Variants in PPARA observed in about 807,000 individuals in gnomAD.
PPARA encodes peroxisome proliferator activated receptor alpha, also known as peroxisome proliferator-activated receptor alpha.
In PPARA, 22 loss-of-function variants were observed where a neutral mutation model predicts 42.2. The ratio of observed to expected loss-of-function variants is 0.52; its 90% CI spans 0.37 to 0.74. The LOEUF (loss-of-function observed/expected upper bound fraction) is 0.74. Ranked by LOEUF, PPARA falls within the 30% of genes least tolerant of loss-of-function variation. The probability of loss-of-function intolerance (pLI) is 0.00; values close to 1 mark genes in which losing one functional copy is unlikely to be tolerated. For missense variants in PPARA, 465 were observed against 608.2 expected, an observed-to-expected ratio of 0.76 and a Z score of 2.48; for synonymous variants, 242 against 239.3, an observed-to-expected ratio of 1.01 and a Z score of -0.10.
rs1210093264 is a variant in PPARA, at chr22:46,187,067, T to C, written c.-43+10231T>C. The stretch of plus-strand genomic sequence containing the variant: ...AACCATGGATAAGGGATATCTACTG[T>C]ATAAGGTGGAGTTTTCAAGGTCATA... On this transcript the variant is annotated intron_variant, in intron 3 of 8. Coordinates refer to ENST00000407236, the MANE Select transcript of PPARA (RefSeq NM_005036.6). The surrounding 1 kb of genome is among the most constrained non-coding windows in gnomAD (Gnocchi z 4.9). Among the ~76,000 whole-genome samples, 2 of 152,136 alleles carry C rather than the reference T, an allele frequency of 1.3e-5. No individual in the cohort carries two copies. The highest frequency in any genetic ancestry group is 2.4e-5 in the African/African-American group (1 of 41,430).
Position 46,225,225 on chromosome 22 carries a change from C to T in PPARA, c.711+5211C>T, listed in dbSNP as rs927487728. 1.3e-4 allele frequency among the ~76,000 whole-genome samples: 20 copies of T among 152,066 alleles called. No individual in the cohort carries two copies. Among genetic ancestry groups the T allele is most frequent in the African/African-American group, 4.8e-4 (20 of 41,394 alleles). The stretch of plus-strand genomic sequence containing the variant: ...GTTTGAGCCCCTGAGATTTCAGAAC[C>T]GTGGGCCAGAAAATGGTCAGGGCCC... On this transcript the variant is annotated intron_variant, in intron 7 of 8. Transcript: ENST00000407236. The surrounding 1 kb of genome is among the most constrained non-coding windows in gnomAD (Gnocchi z 4.1).
chr22:46,176,379 T>C (rs1240577339), intron 2 of PPARA, among the ~76,000 whole-genome samples: 1 of 150,082 alleles, frequency 6.7e-6, no homozygotes, highest in Non-Finnish European at 1.5e-5. Flanking sequence ...CCAGCTACTT[T>C]GGAGGCTGAG....
chr22:46,199,218 G>A (rs1932727653), intron 4 of PPARA, among the ~76,000 whole-genome samples: 2 of 152,216 alleles, frequency 1.3e-5, no homozygotes, highest in East Asian at 3.9e-4. Context: ...CGTGTGCAAG[G>A]GTCTGCATAG....
At position 46,231,460 on chromosome 22, in the gene PPARA, A is replaced by C. The variant is rs1378942699; in HGVS notation, c.712-332A>C. 6.6e-6 allele frequency among the ~76,000 whole-genome samples: 1 copy of C among 152,092 alleles called. No individual in the cohort carries two copies. Among genetic ancestry groups the C allele is most frequent in the East Asian group, 1.9e-4 (1 of 5,198 alleles). On this transcript the variant is annotated intron_variant, in intron 7 of 8. Coordinates refer to ENST00000407236, the MANE Select transcript of PPARA (RefSeq NM_005036.6). The surrounding 1 kb of genome is among the most constrained non-coding windows in gnomAD (Gnocchi z 7.7). Reference sequence around the variant, plus strand: ...GGTCTCGAACTCTTGACCTCAGGTAAACCACCCACCTCAGCCTCCCAAAGT... The same window carrying C: ...GGTCTCGAACTCTTGACCTCAGGTACACCACCCACCTCAGCCTCCCAAAGT...
intron 3 of PPARA, among the ~76,000 whole-genome samples, chr22:46,189,766 C>T (rs1351477656): frequency 7.3e-5 from 11 of 150,582 alleles, no homozygotes; most frequent in African/African-American, 2.0e-4. Context: ...AGTGCAGTGG[C>T]GCAGTCTCAG....
chr22:46,168,169 G>A (rs182986097), intron 2 of PPARA, among the ~76,000 whole-genome samples: 180 of 151,518 alleles, frequency 1.2e-3, no homozygotes, highest in African/African-American at 4.1e-3. Flanking sequence ...TGGCTAACAC[G>A]GTGAAACCCC....
chr22:46,235,775 T>G lies in PPARA; in HGVS notation c.*395T>G. 3.4e-6 allele frequency: 1 copy of G among 293,756 alleles called. No individual in the cohort carries two copies. The highest frequency in any genetic ancestry group is 3.6e-5 in the South Asian group (1 of 28,102). 18.2% of individuals were successfully genotyped at this position (293,756 alleles called of 1,614,324 possible). A position where few individuals can be genotyped will look rare whatever the true frequency, so the allele number is the denominator to read the frequency against. Reference sequence around the variant, plus strand: ...CCCGCTTTTGACTATTGTGCTCCTTTATAATTCTGAAAACTAATCAGCACT... The same window carrying G: ...CCCGCTTTTGACTATTGTGCTCCTTGATAATTCTGAAAACTAATCAGCACT... On this transcript the variant is annotated 3_prime_UTR_variant, in exon 9 of 9. Transcript: ENST00000407236. The surrounding 1 kb of genome is among the most constrained non-coding windows in gnomAD (Gnocchi z 7.0).
At chr22:46,202,748 G>A (rs1056518732) in intron 4 of PPARA, among the ~76,000 whole-genome samples, 5 of 149,448 alleles carry the variant, frequency 3.3e-5, no homozygotes, top group Non-Finnish European at 5.9e-5. Flanking sequence ...CTGTAATCCC[G>A]GCTACTCAGG....
Position 46,191,998 on chromosome 22 carries a change from G to A in PPARA, c.-42-6344G>A, listed in dbSNP as rs1371938770. Among the ~76,000 whole-genome samples the A allele has an allele frequency of 1.3e-5, 2 of 152,236 alleles. No individual in the cohort carries two copies. The highest frequency in any genetic ancestry group is 2.9e-5 in the Non-Finnish European group (2 of 68,044). On this transcript the variant is annotated intron_variant, in intron 3 of 8. Transcript: ENST00000407236. The surrounding 1 kb of genome is among the most constrained non-coding windows in gnomAD (Gnocchi z 4.6). ...GAGAATCACTTGAACCCGTGAAACG[G>A]AAGTTGCGGTGAGCCGAGATCACGC...
At chr22:46,207,763 A>T (rs1211905267) in intron 4 of PPARA, among the ~76,000 whole-genome samples, 2 of 140,260 alleles carry the variant, frequency 1.4e-5, no homozygotes, top group Non-Finnish European at 3.0e-5. Context: ...AGCTCACTGC[A>T]GTCTCAAACA....
chr22:46,209,246 A>G (rs2147489917), intron 4 of PPARA, among the ~76,000 whole-genome samples: 1 of 152,296 alleles, frequency 6.6e-6, no homozygotes, highest in East Asian at 1.9e-4. Context: ...CTTTTTATAT[A>G]TCTGGCTGCT....
chr22:46,228,517 C>A (rs1012473076), intron 7 of PPARA, among the ~76,000 whole-genome samples: 3 of 152,106 alleles, frequency 2.0e-5, no homozygotes, highest in Admixed American at 6.5e-5. Flanking sequence ...GCCTGGGCAA[C>A]AGAGCGAGAC....
chr22:46,201,100 G>A (rs1932812302), intron 4 of PPARA, among the ~76,000 whole-genome samples: 1 of 150,820 alleles, frequency 6.6e-6, no homozygotes, highest in African/African-American at 2.4e-5. Flanking sequence ...TGTAATGCCT[G>A]GGCAACAGAG....
In PPARA at chr22:46,192,350, G is replaced by A. The variant is rs1343101240; in HGVS notation, c.-42-5992G>A. The stretch of plus-strand genomic sequence containing the variant: ...TTAGCCTAATCTTCCAAACAGTCAC[G>A]CATCTAAGAGCAGGTGATGCAGAAA... On this transcript the variant is annotated intron_variant, in intron 3 of 8. Transcript: ENST00000407236. This position sits in a 1 kb window ranked among gnomAD's most constrained non-coding sequence, Gnocchi z 4.3. Among the ~76,000 whole-genome samples the A allele has an allele frequency of 6.6e-6, 1 of 152,188 alleles. No individual in the cohort carries two copies. Among genetic ancestry groups the A allele is most frequent in the African/African-American group, 2.4e-5 (1 of 41,432 alleles).
intron 2 of PPARA, among the ~76,000 whole-genome samples, chr22:46,172,318 T>TAAAAAAAAAAA (rs35328780): frequency 1.7e-5 from 2 of 119,580 alleles, no homozygotes; most frequent in African/African-American, 6.1e-5. Flanking sequence ...TGCAAGTAAT[T>TAAAAAAAAAAA]AAAAAAAAAA....
intron 2 of PPARA, among the ~76,000 whole-genome samples, chr22:46,157,807 A>G (rs576758276): frequency 6.6e-6 from 1 of 152,248 alleles, no homozygotes; most frequent in Admixed American, 6.5e-5. Context: ...ACTCAGATGA[A>G]ATATCGTCTG....
chr22:46,231,811 T>A lies in PPARA; in HGVS notation c.731T>A (p.Met244Lys). The change falls in exon 8 of 9, where the codon ATG becomes AAG. Residue 244 changes from methionine (M) to lysine (K), a missense_variant. By Grantham distance (95) the Met-to-Lys change is moderately conservative. Around this residue, in one of 2 missense-constraint regions of PPARA, gnomAD observed 313 missense variants for 469.1 expected, o/e 0.67. Coordinates refer to ENST00000407236, the MANE Select transcript of PPARA (RefSeq NM_005036.6). The surrounding 1 kb of genome is among the most constrained non-coding windows in gnomAD (Gnocchi z 7.7). ...SNNPPFVIHD[M>K]ETLCMAEKTL... Reference sequence around the variant, plus strand: ...TTGTAGCCTTTTGTCATACATGATATGGAGACACTGTGTATGGCTGAGAAG... The same window carrying A: ...TTGTAGCCTTTTGTCATACATGATAAGGAGACACTGTGTATGGCTGAGAAG... 1 of 1,613,608 alleles carries A rather than the reference T, an allele frequency of 6.2e-7. No individual in the cohort carries two copies. The highest frequency in any genetic ancestry group is 2.2e-5 in the East Asian group (1 of 44,878).
chr22:46,218,835 CA>C (rs749022835), intron 6 of PPARA, among the ~76,000 whole-genome samples: 5,414 of 69,116 alleles, frequency 0.078, 143 homozygotes, highest in Non-Finnish European at 0.12. Flanking sequence ...TTCCGTCTCA[CA>C]AAAAAAAAAA....
In PPARA at chr22:46,225,610, T is replaced by C. The variant is rs1935356708; in HGVS notation, c.711+5596T>C. 7.0e-6 allele frequency among the ~76,000 whole-genome samples: 1 copy of C among 143,712 alleles called. No homozygotes were observed. The highest frequency in any genetic ancestry group is 6.9e-5 in the Admixed American group (1 of 14,546). The allele number at this position is 143,712 out of a possible 152,430, so 94.3% of individuals were successfully genotyped here. A position where few individuals can be genotyped will look rare whatever the true frequency, so the allele number is the denominator to read the frequency against. On this transcript the variant is annotated intron_variant, in intron 7 of 8. Coordinates refer to ENST00000407236, the MANE Select transcript of PPARA (RefSeq NM_005036.6). This position sits in a 1 kb window ranked among gnomAD's most constrained non-coding sequence, Gnocchi z 4.1. ...ACATGCACCCACAGTCACACATCCA[T>C]GCATGCATGTGTACACAAACACACC...
Sources: gnomAD v4.1 joint callset for allele counts (sites outside exome capture counted in the v4.1 genomes callset) on GRCh38, gnomAD v4.1.1 for gene constraint, gnomAD v4.1.1 regional missense constraint, Gnocchi (gnomAD v3.1) non-coding constraint, MANE v1.5 for transcripts, NCBI Gene and HGNC (gene_info 2026-07-23, HGNC 2026-07-21) for gene names.